KCNK3: variants seen among roughly 807,000 people sequenced by gnomAD.
KCNK3 encodes the protein potassium channel subfamily K member 3.
A neutral mutation model predicts 27.3 loss-of-function variants in KCNK3; 9 were observed. The ratio of observed to expected loss-of-function variants is 0.33; its 90% CI spans 0.20 to 0.57. KCNK3 has a LOEUF of 0.57. Ranked by LOEUF, KCNK3 falls within the 20% of genes least tolerant of loss-of-function variation. The pLI is 0.87. For synonymous variants in KCNK3, 278 were observed against 273.8 expected (o/e 1.02, Z -0.15); for missense variants, 391 against 577.7 (o/e 0.68, Z 3.31).
intron 1 of KCNK3, among the ~76,000 whole-genome samples, chr2:26,705,962 T>C (rs191495815): frequency 1.8e-4 from 28 of 152,144 alleles, no homozygotes; most frequent in African/African-American, 6.5e-4. Context: ...GTCATGGGTG[T>C]GAGGACCCTG....
At chr2:26,704,444 G>C (rs937764869) in intron 1 of KCNK3, among the ~76,000 whole-genome samples, 1 of 152,188 alleles carries the variant, frequency 6.6e-6, no homozygotes, top group Non-Finnish European at 1.5e-5. Context: ...CCGAGGCTTG[G>C]CATGGACTCA....
chr2:26,716,503 A>G lies in KCNK3; in HGVS notation c.284-11164A>G, dbSNP rs1572610816. Among the ~76,000 whole-genome samples, 3 of 152,212 alleles carry G rather than the reference A, an allele frequency of 2.0e-5. No homozygotes were observed. The South Asian group carries it at 6.2e-4, about 32-fold the overall frequency. On this transcript the variant is annotated intron_variant, in intron 1 of 1. Coordinates refer to ENST00000302909, the MANE Select transcript of KCNK3 (RefSeq NM_002246.3). ...GAGCACTGATTTGTTTAGGTGGGTG[A>G]GATCAGGGAAGGTTTCAGAGAGGGG...
Position 26,731,974 on chromosome 2 carries a change from C to A in KCNK3, c.*3406C>A, listed in dbSNP as rs1051933028. 1 of 152,246 alleles carries A rather than the reference C, an allele frequency of 6.6e-6. No homozygotes were observed. Among genetic ancestry groups the A allele is most frequent in the Admixed American group, 6.5e-5 (1 of 15,284 alleles). The allele number at this position is 152,246 out of a possible 1,614,324, so 9.4% of individuals were successfully genotyped here. ...TGGATTCCTTCTCCTGCAGTAGGGGCCCCCTGGCTGAGTGGCCTGATTGAC... is the reference window on the plus strand; with the variant it reads ...TGGATTCCTTCTCCTGCAGTAGGGGACCCCTGGCTGAGTGGCCTGATTGAC... On this transcript the variant is annotated 3_prime_UTR_variant, in exon 2 of 2. Transcript: ENST00000302909.
At chr2:26,722,140 A>G (rs1663339759) in intron 1 of KCNK3, among the ~76,000 whole-genome samples, 1 of 152,262 alleles carries the variant, frequency 6.6e-6, no homozygotes, top group Admixed American at 6.5e-5. Context: ...GACCTTGCAC[A>G]TGAACACATA....
chr2:26,694,347 C>T (rs1422490885), intron 1 of KCNK3, among the ~76,000 whole-genome samples: 1 of 152,202 alleles, frequency 6.6e-6, no homozygotes, highest in East Asian at 1.9e-4. Flanking sequence ...TCCCTAGTCC[C>T]CTTCCCTGCC....
intron 1 of KCNK3, among the ~76,000 whole-genome samples, chr2:26,727,343 C>A (rs557967887): frequency 2.6e-4 from 39 of 152,226 alleles, no homozygotes; most frequent in Non-Finnish European, 2.6e-4. Flanking sequence ...GCCACCCCTT[C>A]TCTAGGCATA....
Position 26,693,191 on chromosome 2 carries a change from A to G in KCNK3, c.283+33A>G, listed in dbSNP as rs1291063942. On this transcript the variant is annotated intron_variant, in intron 1 of 1. Transcript: ENST00000302909. The surrounding 1 kb of genome is among the most constrained non-coding windows in gnomAD (Gnocchi z 5.5). ...CTCGCCGGGCGGGGGGCGGGAACCCAGGGCTGGGCGCGGGGCTCCGGGAGT... is the reference window on the plus strand; with the variant it reads ...CTCGCCGGGCGGGGGGCGGGAACCCGGGGCTGGGCGCGGGGCTCCGGGAGT... 1.3e-5 allele frequency: 13 copies of G among 1,022,986 alleles called. No homozygotes were observed. Among genetic ancestry groups the G allele is most frequent in the Admixed American group, 3.3e-5 (1 of 30,152 alleles). 63.4% of individuals were successfully genotyped at this position (1,022,986 alleles called of 1,614,324 possible).
chr2:26,708,658 A>G (rs1238762901), intron 1 of KCNK3, among the ~76,000 whole-genome samples: 1 of 152,230 alleles, frequency 6.6e-6, no homozygotes, highest in East Asian at 1.9e-4. Flanking sequence ...CAGCCTGGAC[A>G]ACAAGAGCAA....
chr2:26,715,576 G>A (rs1663214616), intron 1 of KCNK3, among the ~76,000 whole-genome samples: 1 of 152,252 alleles, frequency 6.6e-6, no homozygotes. Context: ...GAGTAGAGGA[G>A]AAGCTGGGTA....
intron 1 of KCNK3, among the ~76,000 whole-genome samples, chr2:26,701,522 G>T (rs1165919770): frequency 6.6e-6 from 1 of 152,170 alleles, no homozygotes; most frequent in African/African-American, 2.4e-5. Flanking sequence ...ATGGAAAACC[G>T]GTACCCCAGA....
chr2:26,712,709 A>G (rs1663147715), intron 1 of KCNK3, among the ~76,000 whole-genome samples: 1 of 150,348 alleles, frequency 6.7e-6, no homozygotes, highest in Non-Finnish European at 1.5e-5. Context: ...AGGAGTGCGC[A>G]CACACATGTG....
intron 1 of KCNK3, among the ~76,000 whole-genome samples, chr2:26,703,137 C>T (rs556330474): frequency 1.3e-5 from 2 of 151,974 alleles, no homozygotes; most frequent in Non-Finnish European, 2.9e-5. Flanking sequence ...AAGGGCAGGC[C>T]GGAGCTCTCT....
chr2:26,720,329 A>G (rs1663305613), intron 1 of KCNK3, among the ~76,000 whole-genome samples: 7 of 152,196 alleles, frequency 4.6e-5, no homozygotes, highest in Admixed American at 4.6e-4. Flanking sequence ...ATCGCTCCTA[A>G]GGTCCCTATC....
chr2:26,712,395 A>G (rs994210506), intron 1 of KCNK3, among the ~76,000 whole-genome samples: 2 of 151,984 alleles, frequency 1.3e-5, no homozygotes, highest in African/African-American at 2.4e-5. Flanking sequence ...TTCTACGGAG[A>G]GTGGTGGATT....
chr2:26,711,116 TGTGGCAA>T (rs1234407283), intron 1 of KCNK3, among the ~76,000 whole-genome samples: 1 of 152,192 alleles, frequency 6.6e-6, no homozygotes, highest in Non-Finnish European at 1.5e-5. Flanking sequence ...GAGTCCAGCC[TGTGGCAA>T]GCAGGTGGGC....
rs73920342 is a variant in KCNK3, at chr2:26,707,518, C to T, written c.283+14360C>T. Among the ~76,000 whole-genome samples the T allele has an allele frequency of 7.3e-3, 1,113 of 152,332 alleles. 8 individuals are homozygous for T. Among genetic ancestry groups the T allele is most frequent in the African/African-American group, 0.025 (1,058 of 41,562 alleles). ...TCAACATTTCACCTTGACCAGTGACCCACTGGATCTTCTCAGGGTCAGGGC... is the reference window on the plus strand; with the variant it reads ...TCAACATTTCACCTTGACCAGTGACTCACTGGATCTTCTCAGGGTCAGGGC... On this transcript the variant is annotated intron_variant, in intron 1 of 1. Coordinates refer to ENST00000302909, the MANE Select transcript of KCNK3 (RefSeq NM_002246.3).
chr2:26,728,510 CG>C lies in KCNK3; in HGVS notation c.1130del (p.Gly377ValfsTer12). The C allele has an allele frequency of 6.6e-7, 1 of 1,507,770 alleles. No individual in the cohort carries two copies. The highest frequency in any genetic ancestry group is 8.9e-7 in the Non-Finnish European group (1 of 1,125,490). 93.4% of individuals were successfully genotyped at this position (1,507,770 alleles called of 1,614,324 possible). On this transcript the variant is annotated frameshift_variant, in exon 2 of 2. Coordinates refer to ENST00000302909, the MANE Select transcript of KCNK3 (RefSeq NM_002246.3). LOFTEE classifies it high-confidence loss of function. ...APRSAISSVS[T>X]GLHSLSTFRG... ...CGCTCCGCCATCAGCTCGGTGTCCA[CG>C]GGTCTGCACAGCCTGTCCACCTTCC...
chr2:26,724,367 G>C (rs1013163187), intron 1 of KCNK3: 1 of 152,900 alleles, frequency 6.5e-6, no homozygotes, highest in African/African-American at 2.4e-5. Flanking sequence ...AAGGCCTCCC[G>C]GCCTGGTCGC....
In KCNK3 at chr2:26,727,881, G is replaced by A. The variant is rs150300013; in HGVS notation, c.498G>A (p.Ser166=). Residue 166 remains serine, a synonymous_variant, in exon 2 of 2, where the codon TCG becomes TCA. Coordinates refer to ENST00000302909, the MANE Select transcript of KCNK3 (RefSeq NM_002246.3). ...ACATGGTGCTCATCGGCTTCTTCTC[G>A]TGCATCAGCACGCTGTGCATCGGCG... ...MANMVLIGFF[S]CISTLCIGAA... 10 of 1,614,044 alleles carry A rather than the reference G, an allele frequency of 6.2e-6. No homozygotes were observed. The highest frequency in any genetic ancestry group is 2.7e-5 in the African/African-American group (2 of 74,946).
Sources: gnomAD v4.1 joint callset for allele counts (sites outside exome capture counted in the v4.1 genomes callset) on GRCh38, gnomAD v4.1.1 for gene constraint, Gnocchi (gnomAD v3.1) non-coding constraint, MANE v1.5 for transcripts, NCBI Gene and HGNC (gene_info 2026-07-23, HGNC 2026-07-21) for gene names.